Variants in GAK observed in about 807,000 individuals in gnomAD.
The protein encoded by GAK is cyclin-G-associated kinase.
GAK carries 79 observed loss-of-function variants against 143.9 expected under a neutral mutation model. The ratio of observed to expected loss-of-function variants is 0.55; its 90% CI spans 0.46 to 0.66. The LOEUF is 0.66. Ranked by LOEUF, GAK falls within the 30% of genes least tolerant of loss-of-function variation. The probability of loss-of-function intolerance (pLI) is 0.00; values close to 1 mark genes in which losing one functional copy is unlikely to be tolerated. For synonymous variants in GAK, 881 were observed against 765.5 expected, an observed-to-expected ratio of 1.15 and a Z score of -2.49; for missense variants, 1,693 against 1,779.7, an observed-to-expected ratio of 0.95 and a Z score of 0.88.
At chr4:929,685 A>AT (rs1339482108) in intron 1 of GAK, among the ~76,000 whole-genome samples, 2 of 108,298 alleles carry the variant, frequency 1.8e-5, no homozygotes, top group Non-Finnish European at 4.2e-5. Context: ...CGTCTCTTAA[A>AT]TTAAAAAAAA....
intron 18 of GAK, among the ~76,000 whole-genome samples, chr4:876,290 T>G (rs1393716214): frequency 6.6e-6 from 1 of 152,100 alleles, no homozygotes; most frequent in Non-Finnish European, 1.5e-5. Context: ...CGCCCGGGTG[T>G]GAGGGCTAAA....
intron 5 of GAK, among the ~76,000 whole-genome samples, chr4:901,651 C>T (rs986955774): frequency 1.3e-5 from 2 of 152,236 alleles, no homozygotes; most frequent in East Asian, 3.8e-4. Flanking sequence ...GCTGGAGGAG[C>T]AGCTGAGGCG....
chr4:912,431 C>T lies in GAK; in HGVS notation c.267+304G>A, dbSNP rs180800742. On this transcript the variant is annotated intron_variant, in intron 3 of 27. Transcript: ENST00000314167. Reference sequence around the variant, plus strand: ...TCCGGAGGAGCTGAGGGGGCCGGGCCGGGCAAGGGCCCCCTGTGGTAACCA... The same window carrying T: ...TCCGGAGGAGCTGAGGGGGCCGGGCTGGGCAAGGGCCCCCTGTGGTAACCA... The T allele has an allele frequency of 3.0e-4, 117 of 394,582 alleles. No individual in the cohort carries two copies. The East Asian group carries it at 4.5e-3, about 15-fold the overall frequency. 24.4% of individuals were successfully genotyped at this position (394,582 alleles called of 1,614,324 possible). A position where few individuals can be genotyped will look rare whatever the true frequency, so the allele number is the denominator to read the frequency against.
At chr4:866,661 C>T (rs1751241104) in intron 21 of GAK, 127 bp from the exon 22 acceptor site, 7 of 1,017,880 alleles carry the variant, frequency 6.9e-6, no homozygotes, top group African/African-American at 1.6e-5. Context: ...CGGCTGCCCT[C>T]GCAGGGGCAC....
intron 15 of GAK, among the ~76,000 whole-genome samples, chr4:881,554 C>CGTCAGGTGCTCCACACGGCACCTGT (rs965155846): frequency 5.1e-4 from 77 of 152,324 alleles, no homozygotes; most frequent in Non-Finnish European, 1.0e-3. Flanking sequence ...GTCTGAGCAG[C>CGTCAGGTGCTCCACACGGCACCTGT]GTCAGGTGCT....
intron 14 of GAK, 89 bp from the exon 15 acceptor site, chr4:882,129 G>C (rs1715259259): frequency 1.4e-6 from 2 of 1,383,316 alleles, no homozygotes; most frequent in South Asian, 1.3e-5. Flanking sequence ...CCACCCTGTG[G>C]CTGCAGGGAC....
At chr4:900,383 G>C (rs1719643459) in intron 5 of GAK, among the ~76,000 whole-genome samples, 1 of 152,350 alleles carries the variant, frequency 6.6e-6, no homozygotes, top group East Asian at 1.9e-4. Flanking sequence ...GGCTGGCCTG[G>C]GTTCCCGCCA....
intron 23 of GAK, 85 bp from the exon 24 acceptor site, chr4:859,807 G>T: frequency 1.1e-6 from 1 of 941,500 alleles, no homozygotes; most frequent in Non-Finnish European, 1.6e-6. Flanking sequence ...GCCTCCTTAC[G>T]ACATGACAGC....
chr4:928,840 C>T (rs925023364), intron 1 of GAK, among the ~76,000 whole-genome samples: 3 of 151,960 alleles, frequency 2.0e-5, no homozygotes, highest in African/African-American at 4.8e-5. Context: ...CTTGGCTCAC[C>T]GCATCCTCCA....
At chr4:902,699 G>A (rs1241816559) in intron 5 of GAK, among the ~76,000 whole-genome samples, 1 of 151,568 alleles carries the variant, frequency 6.6e-6, no homozygotes, top group Non-Finnish European at 1.5e-5. Context: ...CACAGATAAT[G>A]GAGAAGCCTC....
intron 10 of GAK, among the ~76,000 whole-genome samples, chr4:890,139 G>A (rs988806520): frequency 6.6e-6 from 1 of 152,240 alleles, no homozygotes; most frequent in Non-Finnish European, 1.5e-5. Flanking sequence ...GTTTCCCTGG[G>A]GCCTTGGGCT....
chr4:913,805 AG>A (rs1722445655), intron 1 of GAK, 137 bp from the exon 2 acceptor site: 1 of 714,474 alleles, frequency 1.4e-6, no homozygotes, highest in Non-Finnish European at 2.5e-6. Flanking sequence ...TAATGGCCCC[AG>A]CGTACACGCC....
At chr4:906,901 G>A (rs1721180499) in intron 4 of GAK, among the ~76,000 whole-genome samples, 1 of 152,152 alleles carries the variant, frequency 6.6e-6, no homozygotes, top group African/African-American at 2.4e-5. Flanking sequence ...CTGCGGCCAG[G>A]ATGCCTCCCA....
At chr4:879,249 A>C (rs1304194214) in intron 15 of GAK, among the ~76,000 whole-genome samples, 1 of 152,124 alleles carries the variant, frequency 6.6e-6, no homozygotes, top group Non-Finnish European at 1.5e-5. Flanking sequence ...CTGAAAGAGG[A>C]CTTCCTGCAG....
chr4:913,814 G>GC (rs1386296468), intron 1 of GAK, 146 bp from the exon 2 acceptor site: 2 of 657,910 alleles, frequency 3.0e-6, no homozygotes, highest in South Asian at 3.4e-5. Context: ...CAGCGTACAC[G>GC]CCCCCCGCAA....
intron 3 of GAK, chr4:912,440 G>A: frequency 7.4e-6 from 3 of 407,410 alleles, no homozygotes; most frequent in South Asian, 4.6e-5. Context: ...CCGGGCAAGG[G>A]CCCCCTGTGG....
chr4:866,167 G>A (rs1751128873), intron 22 of GAK, among the ~76,000 whole-genome samples, 197 bp downstream of exon 22: 2 of 152,244 alleles, frequency 1.3e-5, no homozygotes, highest in Non-Finnish European at 2.9e-5. Flanking sequence ...GGGATGGTTT[G>A]GGGAGACAGA....
intron 6 of GAK, 33 bp downstream of exon 6, chr4:898,000 A>G (rs1183953996): frequency 6.3e-7 from 1 of 1,592,300 alleles, no homozygotes; most frequent in East Asian, 2.3e-5. Flanking sequence ...GGGAAGGGCC[A>G]GCTTCCCCCA....
Position 890,680 on chromosome 4 carries a change from C to T in GAK, c.991-58G>A, listed in dbSNP as rs555585182. Reference sequence around the variant, plus strand: ...TAAACTGACAACTCACGCCTGCCCACGTCGGGCAGAGGTACGGTATGGGTG... The same window carrying T: ...TAAACTGACAACTCACGCCTGCCCATGTCGGGCAGAGGTACGGTATGGGTG... On this transcript the variant is annotated intron_variant, in intron 9 of 27. Coordinates refer to ENST00000314167, the MANE Select transcript of GAK (RefSeq NM_005255.4). The T allele has an allele frequency of 4.2e-6, 6 of 1,440,414 alleles. No individual in the cohort carries two copies. The African/African-American group carries it at 5.5e-5, about 13-fold the overall frequency. 89.2% of individuals were successfully genotyped at this position (1,440,414 alleles called of 1,614,324 possible).
Sources: allele counts gnomAD v4.1 joint callset (sites outside exome capture counted in the v4.1 genomes callset), GRCh38; gene constraint gnomAD v4.1.1; transcripts MANE v1.5; gene names NCBI Gene and HGNC (gene_info 2026-07-23, HGNC 2026-07-21).